The following MDGA2 variants were observed in gnomAD, a reference collection of about 807,000 sequenced individuals.
MDGA2 encodes the protein MAM domain containing glycosylphosphatidylinositol anchor 2.
A neutral mutation model predicts 117.8 loss-of-function variants in MDGA2; 40 were observed. The observed-to-expected ratio is 0.34, with a 90% confidence interval of 0.26 to 0.44. The LOEUF is 0.44. Ranked by LOEUF, MDGA2 falls within the 20% of genes least tolerant of loss-of-function variation. MDGA2 has a pLI of 1.00. For missense variants in MDGA2, 1,123 were observed against 1,250.6 expected (o/e 0.90, Z 1.54); for synonymous variants, 452 against 439.0 (o/e 1.03, Z -0.37).
chr14:47,618,498 T>C (rs971697898), intron 1 of MDGA2, among the ~76,000 whole-genome samples: 4 of 152,184 alleles, frequency 2.6e-5, no homozygotes, highest in Non-Finnish European at 4.4e-5. Context: ...TTCTCAAGAC[T>C]CTCTAAAACT....
At chr14:46,915,421 C>T (rs923524496) in intron 10 of MDGA2, among the ~76,000 whole-genome samples, 2 of 152,128 alleles carry the variant, frequency 1.3e-5, no homozygotes, top group African/African-American at 4.8e-5. Context: ...GAAAATTTCA[C>T]ATGTACCCCA....
intron 1 of MDGA2, among the ~76,000 whole-genome samples, chr14:47,499,244 G>A (rs1293583225): frequency 6.6e-6 from 1 of 152,052 alleles, no homozygotes; most frequent in Non-Finnish European, 1.5e-5. Context: ...TTGTTAGACT[G>A]AGATATCTTA....
chr14:46,857,763 T>G (rs1439784108), intron 14 of MDGA2, among the ~76,000 whole-genome samples: 1 of 152,112 alleles, frequency 6.6e-6, no homozygotes, highest in Non-Finnish European at 1.5e-5. Context: ...CAAGGGATCT[T>G]CCCACCTCAG....
chr14:46,859,496 T>C (rs367733052), intron 14 of MDGA2, among the ~76,000 whole-genome samples: 13 of 152,278 alleles, frequency 8.5e-5, no homozygotes, highest in Middle Eastern at 6.8e-3. Flanking sequence ...CACTAATCTT[T>C]GTTTTCTGAC....
At chr14:47,008,605 T>A (rs1050182090) in intron 8 of MDGA2, among the ~76,000 whole-genome samples, 10 of 151,894 alleles carry the variant, frequency 6.6e-5, no homozygotes, top group African/African-American at 2.4e-4. Context: ...ATGGCACTGC[T>A]CTAGAAATTT....
Position 47,381,229 on chromosome 14 carries a change from C to T in MDGA2, c.281-79679G>A, listed in dbSNP as rs1235495092. On this transcript the variant is annotated intron_variant, in intron 1 of 16. Transcript: ENST00000399232. Reference sequence around the variant, plus strand: ...CATATCTCAAAATAATAAGAGCTATCTATGACAAACCTATAGCCAATATCA... The same window carrying T: ...CATATCTCAAAATAATAAGAGCTATTTATGACAAACCTATAGCCAATATCA... Among the ~76,000 whole-genome samples, 3 of 152,110 alleles carry T rather than the reference C, an allele frequency of 2.0e-5. No individual in the cohort carries two copies. The East Asian group carries it at 5.8e-4, about 29-fold the overall frequency.
At chr14:47,478,716 T>C (rs781030135) in intron 1 of MDGA2, among the ~76,000 whole-genome samples, 2 of 152,192 alleles carry the variant, frequency 1.3e-5, no homozygotes, top group Non-Finnish European at 2.9e-5. Flanking sequence ...ACAAGAGCAG[T>C]ATCTCTCCTA....
At chr14:47,177,477 AATG>A (rs1884515876) in intron 3 of MDGA2, among the ~76,000 whole-genome samples, 1 of 152,218 alleles carries the variant, frequency 6.6e-6, no homozygotes, top group African/African-American at 2.4e-5. Flanking sequence ...AGCCATAAAA[AATG>A]ATGAGTTCAT....
intron 9 of MDGA2, among the ~76,000 whole-genome samples, chr14:46,950,514 C>G (rs532033976): frequency 6.6e-6 from 1 of 151,922 alleles, no homozygotes; most frequent in Non-Finnish European, 1.5e-5. Flanking sequence ...TTCAGTACAG[C>G]TGCAACTCAT....
At chr14:46,929,934 C>T (rs1255140560) in intron 9 of MDGA2, among the ~76,000 whole-genome samples, 1 of 151,158 alleles carries the variant, frequency 6.6e-6, no homozygotes, top group Non-Finnish European at 1.5e-5. Flanking sequence ...CTGCGCCCGG[C>T]CCATGATTAT....
chr14:47,393,380 T>C (rs1192304245), intron 1 of MDGA2, among the ~76,000 whole-genome samples: 1 of 118,878 alleles, frequency 8.4e-6, no homozygotes, highest in African/African-American at 3.2e-5. Context: ...TTTGGGAAAA[T>C]TTTAAAGTTT....
chr14:46,855,385 A>C lies in MDGA2; in HGVS notation c.2753-231T>G, dbSNP rs1182098054. ...ATGTGCATGTTGCCTGATATTGCAA[A>C]AGGGATTTAAGGATTTTGCAATGGG... On this transcript the variant is annotated intron_variant, in intron 14 of 16. Coordinates refer to ENST00000399232, the MANE Select transcript of MDGA2 (RefSeq NM_001113498.3). The surrounding 1 kb of genome is among the most constrained non-coding windows in gnomAD (Gnocchi z 4.1). 1.3e-5 allele frequency among the ~76,000 whole-genome samples: 2 copies of C among 152,090 alleles called. No individual in the cohort carries two copies. Among genetic ancestry groups the C allele is most frequent in the Non-Finnish European group, 2.9e-5 (2 of 68,010 alleles).
At chr14:46,948,129 T>G (rs1885238916) in intron 9 of MDGA2, among the ~76,000 whole-genome samples, 1 of 151,992 alleles carries the variant, frequency 6.6e-6, no homozygotes. Context: ...CAATGCTCTT[T>G]TTTCTTCATC....
At chr14:47,004,849 A>G (rs1887656260) in intron 8 of MDGA2, among the ~76,000 whole-genome samples, 2 of 151,774 alleles carry the variant, frequency 1.3e-5, no homozygotes, top group African/African-American at 4.8e-5. Context: ...AAATGTTTTT[A>G]AAATGGTATT....
chr14:47,458,425 T>C (rs934683939), intron 1 of MDGA2, among the ~76,000 whole-genome samples: 6 of 152,188 alleles, frequency 3.9e-5, no homozygotes, highest in African/African-American at 1.4e-4. Context: ...GTCTTATGTT[T>C]AAGTCTTCAA....
intron 1 of MDGA2, among the ~76,000 whole-genome samples, chr14:47,372,151 T>C (rs1400173286): frequency 1.3e-5 from 2 of 151,778 alleles, no homozygotes; most frequent in African/African-American, 4.8e-5. Context: ...ACTTAAGAAA[T>C]GCTTTAAAAA....
intron 1 of MDGA2, among the ~76,000 whole-genome samples, chr14:47,598,331 T>C (rs771100036): frequency 6.6e-6 from 1 of 152,194 alleles, no homozygotes; most frequent in Non-Finnish European, 1.5e-5. Context: ...AGGTACATAT[T>C]CAAAATAACT....
At chr14:46,904,565 C>T (rs1051151280) in intron 10 of MDGA2, among the ~76,000 whole-genome samples, 5 of 152,026 alleles carry the variant, frequency 3.3e-5, no homozygotes, top group African/African-American at 1.2e-4. Context: ...ACAATCCAGC[C>T]GTGAGCAACC....
chr14:47,172,491 G>A (rs895540986), intron 3 of MDGA2, among the ~76,000 whole-genome samples: 19 of 152,204 alleles, frequency 1.2e-4, no homozygotes, highest in African/African-American at 4.3e-4. Context: ...CGCGGTTCAC[G>A]AAAATCTGCT....
Sources: allele counts gnomAD v4.1 joint callset (sites outside exome capture counted in the v4.1 genomes callset), GRCh38; gene constraint gnomAD v4.1.1; non-coding constraint Gnocchi (gnomAD v3.1); transcripts MANE v1.5; gene names NCBI Gene and HGNC (gene_info 2026-07-23, HGNC 2026-07-21).